Variants in OGDHL observed in about 807,000 individuals in gnomAD.
The protein encoded by OGDHL is oxoglutarate dehydrogenase L.
Under a neutral mutation model 109.6 loss-of-function variants are expected in OGDHL, and 79 were observed. The ratio of observed to expected loss-of-function variants is 0.72; its 90% CI spans 0.60 to 0.87. The LOEUF is 0.87. Ranked by LOEUF, OGDHL falls within the 40% of genes least tolerant of loss-of-function variation. The probability of loss-of-function intolerance (pLI) is 0.00; values close to 1 mark genes in which losing one functional copy is unlikely to be tolerated. For synonymous variants in OGDHL, 528 were observed against 537.2 expected (o/e 0.98, Z 0.24); for missense variants, 1,275 against 1,362.2 (o/e 0.94, Z 1.01).
At position 49,740,809 on chromosome 10, in the gene OGDHL, C is replaced by A; in HGVS notation, c.2041G>T (p.Glu681Ter). ...SHRHHVLHDQ[E>*]VDRRTCVPMN... ...GGCACACACGTCCTGCGGTCAACCT[C>A]CTGGTCATGGAGAACATGGTGCCGG... Residue 681 changes from glutamate to a stop codon, truncating the protein, a stop_gained, in exon 16 of 23, where the codon GAG (glutamate) becomes TAG (stop). Coordinates refer to ENST00000374103, the MANE Select transcript of OGDHL (RefSeq NM_018245.3). LOFTEE classifies it high-confidence loss of function. The A allele has an allele frequency of 6.2e-7, 1 of 1,613,938 alleles. No homozygotes were observed. Among genetic ancestry groups the A allele is most frequent in the Non-Finnish European group, 8.5e-7 (1 of 1,179,848 alleles).
chr10:49,747,544 C>T (rs1324841620), intron 8 of OGDHL, among the ~76,000 whole-genome samples: 1 of 152,190 alleles, frequency 6.6e-6, no homozygotes, highest in Non-Finnish European at 1.5e-5. Flanking sequence ...CTCGGCCAGG[C>T]CACCAGCAAA....
intron 17 of OGDHL, chr10:49,738,552 G>A: frequency 2.1e-6 from 1 of 467,886 alleles, no homozygotes; most frequent in Non-Finnish European, 3.9e-6. Flanking sequence ...TGGAACAGTG[G>A]CTGCCACTGA....
Position 49,752,754 on chromosome 10 carries a change from A to C in OGDHL, c.376-14T>G. The C allele has an allele frequency of 1.2e-6, 2 of 1,604,588 alleles. No homozygotes were observed. Among genetic ancestry groups the C allele is most frequent in the South Asian group, 2.2e-5 (2 of 90,808 alleles). The stretch of plus-strand genomic sequence containing the variant: ...GTGACCCCGGATCTGGGAGGAGGGA[A>C]AAGAGCAGGGTGGGGCTGGGACCCA... On this transcript the variant is annotated splice_polypyrimidine_tract_variant and intron_variant, in intron 3 of 22. Coordinates refer to ENST00000374103, the MANE Select transcript of OGDHL (RefSeq NM_018245.3).
At chr10:49,739,523 C>T (rs974332202) in intron 17 of OGDHL, 138 bp downstream of exon 17, 11 of 1,010,316 alleles carry the variant, frequency 1.1e-5, no homozygotes, top group Admixed American at 2.9e-5. Context: ...TGTGCAGACC[C>T]CACCCTGCAC....
chr10:49,746,157 G>A (rs77673876), intron 10 of OGDHL, among the ~76,000 whole-genome samples, 180 bp from the exon 11 acceptor site: 7,475 of 152,208 alleles, frequency 0.049, 258 homozygotes, highest in African/African-American at 0.093. Context: ...CAGCTCCCAC[G>A]GGGACGGCAG....
At chr10:49,751,804 T>C (rs1277935095) in intron 6 of OGDHL, 23 bp downstream of exon 6, 6 of 1,610,850 alleles carry the variant, frequency 3.7e-6, no homozygotes, top group Non-Finnish European at 5.1e-6. Flanking sequence ...CTCCAGCCAC[T>C]TGGCCCTCCA....
chr10:49,737,901 G>A (rs1841322022), intron 19 of OGDHL, 43 bp from the exon 20 acceptor site: 3 of 1,614,006 alleles, frequency 1.9e-6, no homozygotes, highest in African/African-American at 2.7e-5. Context: ...GGCCCTGCCT[G>A]GCCAGGCCCC....
Position 49,736,344 on chromosome 10 carries a change from G to A in OGDHL, c.2754+13C>T. On this transcript the variant is annotated intron_variant, in intron 21 of 22. Coordinates refer to ENST00000374103, the MANE Select transcript of OGDHL (RefSeq NM_018245.3). Reference sequence around the variant, plus strand: ...TTGCCCATCACTTGACTGTACAAGGGGTTCAGGCACACCTGCTCCAGGCGC... The same window carrying A: ...TTGCCCATCACTTGACTGTACAAGGAGTTCAGGCACACCTGCTCCAGGCGC... The A allele has an allele frequency of 6.2e-7, 1 of 1,614,066 alleles. No individual in the cohort carries two copies. The highest frequency in any genetic ancestry group is 8.5e-7 in the Non-Finnish European group (1 of 1,179,974).
At chr10:49,750,640 G>T (rs563573069) in intron 7 of OGDHL, among the ~76,000 whole-genome samples, 199 bp downstream of exon 7, 1 of 152,148 alleles carries the variant, frequency 6.6e-6, no homozygotes, top group Non-Finnish European at 1.5e-5. Context: ...GTTAGCACCC[G>T]GCCCCAGGTG....
At position 49,758,538 on chromosome 10, in the gene OGDHL, G is replaced by A. The variant is rs773576576; in HGVS notation, c.55C>T (p.Leu19=). 6.2e-7 allele frequency: 1 copy of A among 1,613,928 alleles called. No homozygotes were observed. Among genetic ancestry groups the A allele is most frequent in the Non-Finnish European group, 8.5e-7 (1 of 1,180,030 alleles). ...AACACCGGGACGTCATGTGCAGCCA[G>A]GAGCCTCGCAGCCTGTACCCCAAGA... ...SRLGVQAARL[L]AAHDVPVFGW... is the part of the protein sequence containing the mutation. Residue 19 remains leucine (L), a synonymous_variant, in exon 2 of 23, where the codon CTG becomes TTG. Transcript: ENST00000374103.
At position 49,746,759 on chromosome 10, in the gene OGDHL, G is replaced by T. The variant is rs1336355131; in HGVS notation, c.1287C>A (p.Val429=). ...YTTNGTVHVV[V]NNQIGFTTDP... ...GAGCCTACATGCTCACCTGGTTGTT[G>T]ACGACGACGTGCACGGTACCATTGG... Residue 429 remains valine (V), a synonymous_variant, in exon 10 of 23, where the codon GTC becomes GTA. Coordinates refer to ENST00000374103, the MANE Select transcript of OGDHL (RefSeq NM_018245.3). 6.2e-7 allele frequency: 1 copy of T among 1,614,104 alleles called. No homozygotes were observed.
At chr10:49,748,114 C>T (rs1281287876) in intron 8 of OGDHL, among the ~76,000 whole-genome samples, 3 of 152,202 alleles carry the variant, frequency 2.0e-5, no homozygotes, top group African/African-American at 4.8e-5. Context: ...GTCCCACCCC[C>T]GTAGCTCCAG....
rs776641145 is a variant in OGDHL at position 49,747,108 on chromosome 10, T to A, written c.1088A>T (p.His363Leu). 6.2e-7 allele frequency: 1 copy of A among 1,614,114 alleles called. No individual in the cohort carries two copies. Among genetic ancestry groups the A allele is most frequent in the Non-Finnish European group, 8.5e-7 (1 of 1,179,968 alleles). Residue 363 changes from histidine (H) to leucine (L), a missense_variant, in exon 9 of 23, where the codon CAC becomes CTC. Coordinates refer to ENST00000374103, the MANE Select transcript of OGDHL (RefSeq NM_018245.3). Reference sequence around the variant, plus strand: ...CACCACAGGGTCCACTGCCTCCAGGTGGGAGGGGTTGGCAACCAGCGACAG... The same window carrying A: ...CACCACAGGGTCCACTGCCTCCAGGAGGGAGGGGTTGGCAACCAGCGACAG... The part of the protein sequence containing the change: ...ITLSLVANPS[H>L]LEAVDPVVQG...
Position 49,749,773 on chromosome 10 carries a change from C to T in OGDHL, c.940G>A (p.Glu314Lys). The T allele has an allele frequency of 6.2e-7, 1 of 1,601,374 alleles. No homozygotes were observed. The highest frequency in any genetic ancestry group is 1.1e-5 in the South Asian group (1 of 89,246). Reference sequence around the variant, plus strand: ...GGGTCAAACTGGCAGAAGATCTGCTCCAGGTCCTTGCGGATCACGTTGGCC... The same window carrying T: ...GGGTCAAACTGGCAGAAGATCTGCTTCAGGTCCTTGCGGATCACGTTGGCC... ...VLANVIRKDL[E>K]QIFCQFDPKL... Residue 314 changes from glutamate (E) to lysine (K), a missense_variant, in exon 8 of 23, where the codon GAG becomes AAG. Transcript: ENST00000374103.
At chr10:49,745,550 T>C (rs1193686185) in intron 11 of OGDHL, 54 bp from the exon 12 acceptor site, 8 of 1,602,942 alleles carry the variant, frequency 5.0e-6, no homozygotes, top group Non-Finnish European at 6.8e-6. Flanking sequence ...GTGGTCAATG[T>C]AGCTGCTGCA....
intron 8 of OGDHL, among the ~76,000 whole-genome samples, chr10:49,748,857 C>G (rs1842391240): frequency 6.6e-6 from 1 of 152,052 alleles, no homozygotes; most frequent in African/African-American, 2.4e-5. Context: ...GTGACAGGCT[C>G]ACTGCCCAGG....
At chr10:49,747,325 C>T in intron 8 of OGDHL, 117 bp from the exon 9 acceptor site, 1 of 1,112,766 alleles carries the variant, frequency 9.0e-7, no homozygotes, top group Non-Finnish European at 1.3e-6. Context: ...CCCACTGCCT[C>T]AGAGGGCCAA....
At chr10:49,739,872 A>G (rs1258259) in intron 16 of OGDHL, 33 bp from the exon 17 acceptor site, 1,518,607 of 1,593,088 alleles carry the variant, frequency 0.95, 725,734 homozygotes, top group East Asian at 0.98. Flanking sequence ...CTTGCTGCAC[A>G]CAGTCACCAA....
chr10:49,749,272 G>A (rs1449769531), intron 8 of OGDHL, among the ~76,000 whole-genome samples: 2 of 152,118 alleles, frequency 1.3e-5, no homozygotes, highest in Non-Finnish European at 2.9e-5. Flanking sequence ...AGGCCTCCCA[G>A]GGAGGGGGTG....
Sources: allele counts gnomAD v4.1 joint callset (sites outside exome capture counted in the v4.1 genomes callset), GRCh38; gene constraint gnomAD v4.1.1; transcripts MANE v1.5; gene names NCBI Gene and HGNC (gene_info 2026-07-23, HGNC 2026-07-21).